The following SH3RF2 variants were observed in gnomAD, a reference collection of about 807,000 sequenced individuals.
SH3RF2 encodes SH3 domain containing ring finger 2, also known as E3 ubiquitin-protein ligase SH3RF2.
Under a neutral mutation model 59.0 loss-of-function variants are expected in SH3RF2, and 43 were observed. The observed-to-expected ratio is 0.73, with a 90% confidence interval of 0.57 to 0.94. The LOEUF is 0.94. Among genes scored for constraint, SH3RF2 ranks in the 40% least tolerant of loss-of-function variants. The pLI is 0.00. For synonymous variants in SH3RF2, 391 were observed against 391.5 expected, an observed-to-expected ratio of 1.00 and a Z score of 0.01; for missense variants, 930 against 940.1, an observed-to-expected ratio of 0.99 and a Z score of 0.14.
At chr5:146,080,598 G>A (rs374889862) in exon 10 of SH3RF2, 10 of 152,276 alleles carry the variant, frequency 6.6e-5, no homozygotes, top group African/African-American at 2.2e-4. Context: ...GCGTTCCAGG[G>A]CTGGCAACTT....
intron 6 of SH3RF2, 33 bp downstream of exon 6, chr5:146,047,896 C>T: frequency 1.2e-6 from 2 of 1,601,644 alleles, no homozygotes; most frequent in Non-Finnish European, 1.7e-6. Flanking sequence ...CACCCAAGTC[C>T]TGGCACAAAG....
At chr5:146,034,677 G>A (rs1761867437) in intron 5 of SH3RF2, among the ~76,000 whole-genome samples, 1 of 152,196 alleles carries the variant, frequency 6.6e-6, no homozygotes, top group Non-Finnish European at 1.5e-5. Context: ...GATATCCAGT[G>A]ATAATAATTC....
chr5:146,020,934 T>C (rs1211682279), intron 5 of SH3RF2, among the ~76,000 whole-genome samples: 3 of 152,152 alleles, frequency 2.0e-5, no homozygotes, highest in African/African-American at 7.2e-5. Flanking sequence ...AGATGAGCTG[T>C]CACGAGCCTT....
At chr5:146,046,088 G>C (rs1561760502) in intron 5 of SH3RF2, among the ~76,000 whole-genome samples, 1 of 152,172 alleles carries the variant, frequency 6.6e-6, no homozygotes, top group Non-Finnish European at 1.5e-5. Context: ...CATTGACGTA[G>C]ACACATGTAC....
intron 2 of SH3RF2, among the ~76,000 whole-genome samples, chr5:145,942,716 A>G (rs1003212144): frequency 2.6e-5 from 4 of 152,224 alleles, no homozygotes; most frequent in African/African-American, 9.6e-5. Context: ...GGTAGGGGCT[A>G]AGGTTGAGAA....
chr5:146,067,869 C>A (rs1318018419), downstream of SH3RF2, among the ~76,000 whole-genome samples: 1 of 152,220 alleles, frequency 6.6e-6, no homozygotes, highest in Non-Finnish European at 1.5e-5. Context: ...CAGCTAAGAC[C>A]TCCAGCAATA....
chr5:146,031,709 C>G (rs1433851971), intron 5 of SH3RF2, among the ~76,000 whole-genome samples: 1 of 152,166 alleles, frequency 6.6e-6, no homozygotes, highest in Non-Finnish European at 1.5e-5. Context: ...TGAGAGTAAT[C>G]AATACCCTTC....
chr5:145,962,070 G>A (rs945209558), intron 2 of SH3RF2, among the ~76,000 whole-genome samples: 1 of 152,168 alleles, frequency 6.6e-6, no homozygotes, highest in East Asian at 1.9e-4. Flanking sequence ...AATTATGGGT[G>A]TTTTTCATGA....
chr5:146,019,871 T>C (rs1371114963), intron 5 of SH3RF2, among the ~76,000 whole-genome samples: 3 of 151,916 alleles, frequency 2.0e-5, no homozygotes, highest in African/African-American at 7.3e-5. Flanking sequence ...TTAATAGCTA[T>C]TGTAAAAGGG....
intron 2 of SH3RF2, among the ~76,000 whole-genome samples, chr5:145,950,378 A>C (rs916620151): frequency 3.9e-5 from 6 of 152,198 alleles, no homozygotes; most frequent in African/African-American, 1.2e-4. Flanking sequence ...TGGCACCAAC[A>C]TTACCATTCT....
At chr5:146,016,239 C>T (rs1761096754) in intron 5 of SH3RF2, among the ~76,000 whole-genome samples, 1 of 152,108 alleles carries the variant, frequency 6.6e-6, no homozygotes, top group Admixed American at 6.5e-5. Context: ...TTGCAATGTG[C>T]TAGTAACCAT....
rs530269153 is a variant in SH3RF2 at position 145,999,732 on chromosome 5, GC to G, written c.379-320del. Among the ~76,000 whole-genome samples the G allele has an allele frequency of 2.9e-3, 433 of 151,674 alleles. 3 individuals are homozygous for G. Among genetic ancestry groups the G allele is most frequent in the African/African-American group, 9.9e-3 (407 of 41,288 alleles). On this transcript the variant is annotated intron_variant, in intron 2 of 9. Coordinates refer to ENST00000359120, the MANE Select transcript of SH3RF2 (RefSeq NM_152550.4). ...GTCTTGTATGGGCAAAGTTTGTGGCGCCCCCCGAGACATTACAATAGTAACC... is the reference window on the plus strand; with the variant it reads ...GTCTTGTATGGGCAAAGTTTGTGGCGCCCCCGAGACATTACAATAGTAACC...
chr5:146,079,888 A>G (rs922504445), exon 10 of SH3RF2: 1 of 152,222 alleles, frequency 6.6e-6, no homozygotes, highest in Non-Finnish European at 1.5e-5. Flanking sequence ...AAGCCCTCTT[A>G]GTCACATTTC....
At chr5:146,054,484 T>C (rs1446686561) in intron 7 of SH3RF2, among the ~76,000 whole-genome samples, 1 of 152,244 alleles carries the variant, frequency 6.6e-6, no homozygotes, top group Non-Finnish European at 1.5e-5. Flanking sequence ...CACTCTGGCA[T>C]GGAAGCCAAT....
intron 2 of SH3RF2, among the ~76,000 whole-genome samples, chr5:145,995,038 G>A (rs1760094653): frequency 1.3e-5 from 2 of 151,148 alleles, no homozygotes; most frequent in Non-Finnish European, 2.9e-5. Context: ...CATTCAGCAA[G>A]GTGGAAGTTT....
intron 2 of SH3RF2, among the ~76,000 whole-genome samples, chr5:145,984,723 T>A (rs1759634108): frequency 6.6e-6 from 1 of 152,232 alleles, no homozygotes; most frequent in Non-Finnish European, 1.5e-5. Context: ...GCTCCTTCCA[T>A]GAAGTTCAGC....
At chr5:146,053,567 A>G (rs1007246115) in intron 7 of SH3RF2, among the ~76,000 whole-genome samples, 3 of 152,152 alleles carry the variant, frequency 2.0e-5, no homozygotes, top group Admixed American at 6.5e-5. Context: ...GGAGGAAAAG[A>G]TGGGGGCAAA....
chr5:146,059,529 C>T (rs147498359), intron 8 of SH3RF2, among the ~76,000 whole-genome samples: 4 of 150,696 alleles, frequency 2.7e-5, no homozygotes, highest in East Asian at 1.9e-4. Context: ...GTCTGCTTCA[C>T]GCGCGCGTGT....
downstream of SH3RF2, among the ~76,000 whole-genome samples, chr5:146,065,140 A>G (rs578110217): frequency 9.9e-5 from 15 of 152,278 alleles, no homozygotes; most frequent in East Asian, 2.5e-3. Flanking sequence ...TATCTCAATC[A>G]CGTTTGGGTC....
Sources: allele counts gnomAD v4.1 joint callset (sites outside exome capture counted in the v4.1 genomes callset), GRCh38; gene constraint gnomAD v4.1.1; transcripts MANE v1.5; gene names NCBI Gene and HGNC (gene_info 2026-07-23, HGNC 2026-07-21).